Variants in ARHGAP32 observed in about 807,000 individuals in gnomAD.
ARHGAP32 encodes the protein Rho GTPase activating protein 32, also known as rho GTPase-activating protein 32.
ARHGAP32 carries 51 observed loss-of-function variants against 186.5 expected under a neutral mutation model. That is an observed-to-expected ratio of 0.27 (90% confidence interval 0.22 to 0.35). The LOEUF is 0.35. Among genes scored for constraint, ARHGAP32 ranks in the 10% least tolerant of loss-of-function variants. The pLI, the probability that ARHGAP32 is intolerant of heterozygous loss-of-function variation, is 1.00. For missense variants in ARHGAP32, 2,186 were observed against 2,623.5 expected (o/e 0.83, Z 3.64); for synonymous variants, 950 against 964.3 (o/e 0.99, Z 0.27).
At position 129,123,989 on chromosome 11, in the gene ARHGAP32, C is replaced by A; in HGVS notation, c.318-60G>T. ...TCCTCTACTTACACATGAAGCATAACTATCTAACTCTACTAAGTGAAAAGA... is the reference window on the plus strand; with the variant it reads ...TCCTCTACTTACACATGAAGCATAAATATCTAACTCTACTAAGTGAAAAGA... On this transcript the variant is annotated intron_variant, in intron 3 of 22. Coordinates refer to ENST00000682385, the MANE Select transcript of ARHGAP32 (RefSeq NM_001378024.1). The surrounding 1 kb of genome is among the most constrained non-coding windows in gnomAD (Gnocchi z 4.6). 1 of 1,154,584 alleles carries A rather than the reference C, an allele frequency of 8.7e-7. No individual in the cohort carries two copies. Among genetic ancestry groups the A allele is most frequent in the Non-Finnish European group, 1.1e-6 (1 of 876,824 alleles). The allele number at this position is 1,154,584 out of a possible 1,614,324, so 71.5% of individuals were successfully genotyped here.
At chr11:129,233,929 T>C (rs993513895) in intron 1 of ARHGAP32, among the ~76,000 whole-genome samples, 1 of 151,958 alleles carries the variant, frequency 6.6e-6, no homozygotes, top group African/African-American at 2.4e-5. Context: ...TCTCAACAAA[T>C]TCAGGATAAC....
chr11:129,021,793 A>ATCTT (rs1565380099), intron 11 of ARHGAP32, among the ~76,000 whole-genome samples: 1 of 152,090 alleles, frequency 6.6e-6, no homozygotes, highest in East Asian at 1.9e-4. Context: ...CAAAGTAAGA[A>ATCTT]GTATTTTTAA....
intron 5 of ARHGAP32, among the ~76,000 whole-genome samples, chr11:129,108,903 C>T (rs1942125287): frequency 6.6e-6 from 1 of 152,086 alleles, no homozygotes; most frequent in African/African-American, 2.4e-5. Flanking sequence ...AAGTATTTAC[C>T]ATTTTTATGT....
intron 5 of ARHGAP32, among the ~76,000 whole-genome samples, chr11:129,112,119 T>C (rs1319618313): frequency 6.6e-6 from 1 of 152,056 alleles, no homozygotes; most frequent in Admixed American, 6.6e-5. Flanking sequence ...GGCTTGCACC[T>C]GTAGTCCCAG....
chr11:129,109,712 T>C (rs1359454590), intron 5 of ARHGAP32, among the ~76,000 whole-genome samples: 2 of 152,118 alleles, frequency 1.3e-5, no homozygotes, highest in Admixed American at 6.5e-5. Flanking sequence ...TGTTGGCCAT[T>C]TGTATATCTT....
At chr11:129,042,903 G>A (rs1200249998) in intron 10 of ARHGAP32, among the ~76,000 whole-genome samples, 2 of 152,160 alleles carry the variant, frequency 1.3e-5, no homozygotes, top group Non-Finnish European at 1.5e-5. Flanking sequence ...TGCTCATGCC[G>A]AGGAGATGGG....
intron 11 of ARHGAP32, among the ~76,000 whole-genome samples, chr11:129,026,468 G>A (rs767319990): frequency 2.6e-5 from 4 of 152,074 alleles, no homozygotes; most frequent in Non-Finnish European, 4.4e-5. Context: ...ACTGGAAAAG[G>A]AATGGCTTTA....
chr11:129,234,577 A>T (rs1348544160), intron 1 of ARHGAP32, among the ~76,000 whole-genome samples: 1 of 152,196 alleles, frequency 6.6e-6, no homozygotes, highest in East Asian at 1.9e-4. Flanking sequence ...TATCTGCAAG[A>T]AGAATGGCAA....
chr11:129,276,405 A>G (rs534037327), intron 1 of ARHGAP32, among the ~76,000 whole-genome samples: 4 of 152,176 alleles, frequency 2.6e-5, no homozygotes, highest in Admixed American at 2.0e-4. Flanking sequence ...GGCTCAAGTG[A>G]TCCTTCCATC....
intron 1 of ARHGAP32, among the ~76,000 whole-genome samples, chr11:129,181,194 G>A (rs1302994633): frequency 3.3e-5 from 5 of 152,060 alleles, no homozygotes; most frequent in Non-Finnish European, 5.9e-5. Flanking sequence ...TTCTGGCTCT[G>A]CAACAGTTGT....
At position 128,970,760 on chromosome 11, in the gene ARHGAP32, T is replaced by C; in HGVS notation, c.4453A>G (p.Thr1485Ala). 1 of 1,614,026 alleles carries C rather than the reference T, an allele frequency of 6.2e-7. No individual in the cohort carries two copies. Among genetic ancestry groups the C allele is most frequent in the Non-Finnish European group, 8.5e-7 (1 of 1,179,992 alleles). ...VPQPKHASQK[T>A]VYSSFARPDV... is the part of the protein sequence containing the mutation. The stretch of plus-strand genomic sequence containing the variant: ...GGCCTAGCAAAGGAGGAGTAAACTG[T>C]TTTCTGAGAAGCATGCTTAGGTTGT... Residue 1485 changes from threonine to alanine, a missense_variant, in exon 23 of 23, where the codon ACA becomes GCA. Physicochemically the swap from Thr to Ala is moderately conservative, Grantham distance 58. Around this residue, in one of 5 missense-constraint regions of ARHGAP32, gnomAD observed 1,502 missense variants for 1,570.0 expected, o/e 0.96. Coordinates refer to ENST00000682385, the MANE Select transcript of ARHGAP32 (RefSeq NM_001378024.1). This position sits in a 1 kb window ranked among gnomAD's most constrained non-coding sequence, Gnocchi z 5.8.
At chr11:129,268,719 A>T (rs1945438049) in intron 1 of ARHGAP32, among the ~76,000 whole-genome samples, 1 of 147,514 alleles carries the variant, frequency 6.8e-6, no homozygotes, top group African/African-American at 2.5e-5. Flanking sequence ...ATTCTTCAAA[A>T]TTAGTTACTA....
intron 11 of ARHGAP32, among the ~76,000 whole-genome samples, chr11:129,019,255 T>G (rs575684955): frequency 5.3e-5 from 8 of 151,822 alleles, no homozygotes; most frequent in Non-Finnish European, 8.8e-5. Context: ...CTAACCCAGA[T>G]AGTCAACAAA....
At chr11:129,017,227 G>A (rs747336332) in intron 11 of ARHGAP32, among the ~76,000 whole-genome samples, 14 of 152,086 alleles carry the variant, frequency 9.2e-5, no homozygotes, top group Non-Finnish European at 1.5e-4. Flanking sequence ...AGGCCAAGGC[G>A]GGCAGATCAC....
Position 128,968,883 on chromosome 11 carries a change from C to T in ARHGAP32, c.*24G>A, listed in dbSNP as rs1246344517. 6.9e-7 allele frequency: 1 copy of T among 1,445,762 alleles called. No homozygotes were observed. The highest frequency in any genetic ancestry group is 9.1e-7 in the Non-Finnish European group (1 of 1,093,370). 89.6% of individuals were successfully genotyped at this position (1,445,762 alleles called of 1,614,324 possible). ...ACAGTCCACTGTCCAGCAGAGGCTG[C>T]TTCAACTCTATTGCTCGCAGGGCTC... is the stretch of plus-strand genomic sequence containing the variant. On this transcript the variant is annotated 3_prime_UTR_variant, in exon 23 of 23. Coordinates refer to ENST00000682385, the MANE Select transcript of ARHGAP32 (RefSeq NM_001378024.1).
chr11:129,012,161 AC>A (rs1446864222), intron 11 of ARHGAP32, among the ~76,000 whole-genome samples: 1 of 152,214 alleles, frequency 6.6e-6, no homozygotes, highest in Admixed American at 6.5e-5. Flanking sequence ...TATTCTAAGG[AC>A]CAAAAAACTC....
chr11:128,989,695 T>C (rs371475879), intron 12 of ARHGAP32, among the ~76,000 whole-genome samples: 345 of 152,218 alleles, frequency 2.3e-3, no homozygotes, highest in African/African-American at 8.1e-3. Flanking sequence ...TTTCTCCTAA[T>C]GTTATCCCTC....
At chr11:128,976,684 G>C (rs1295975371) in intron 19 of ARHGAP32, 50 bp from the exon 20 acceptor site, 1 of 1,460,966 alleles carries the variant, frequency 6.8e-7, no homozygotes, top group Non-Finnish European at 9.6e-7. Flanking sequence ...TGTTACATAT[G>C]TGGTTAATGG....
intron 1 of ARHGAP32, among the ~76,000 whole-genome samples, chr11:129,233,348 T>C (rs1414065990): frequency 6.6e-6 from 1 of 152,184 alleles, no homozygotes; most frequent in Non-Finnish European, 1.5e-5. Flanking sequence ...CATTTACTTT[T>C]GTATATGTTT....
Sources: allele counts gnomAD v4.1 joint callset (sites outside exome capture counted in the v4.1 genomes callset), GRCh38; gene constraint gnomAD v4.1.1; regional missense constraint gnomAD v4.1.1; non-coding constraint Gnocchi (gnomAD v3.1); transcripts MANE v1.5; gene names NCBI Gene and HGNC (gene_info 2026-07-23, HGNC 2026-07-21).